Variants in ABCD2 observed in about 807,000 individuals in gnomAD.
The protein encoded by ABCD2 is ATP binding cassette subfamily D member 2.
ABCD2 carries 36 observed loss-of-function variants against 70.9 expected under a neutral mutation model. The observed-to-expected ratio is 0.51, with a 90% CI of 0.39 to 0.67. ABCD2 has a LOEUF of 0.67. Ranked by LOEUF, ABCD2 falls within the 30% of genes least tolerant of loss-of-function variation. ABCD2 has a pLI of 0.00. For synonymous variants in ABCD2, 304 were observed against 306.9 expected (o/e 0.99, Z 0.10); for missense variants, 729 against 890.2 (o/e 0.82, Z 2.30).
intron 9 of ABCD2, among the ~76,000 whole-genome samples, chr12:39,558,639 C>A (rs374919395): frequency 9.9e-5 from 15 of 152,110 alleles, no homozygotes; most frequent in African/African-American, 3.6e-4. Flanking sequence ...ATTCTCCTTC[C>A]TGCCACCTTG....
At chr12:39,543,684 A>G in the ABCD2 span, among the ~76,000 whole-genome samples, 90 of 152,358 alleles carry the variant, frequency 5.9e-4, no homozygotes, top group Admixed American at 1.5e-3. Flanking sequence ...GCAACATGCC[A>G]TCTGACGTTT....
At chr12:39,547,535 A>G (rs183891252), downstream of ABCD2, among the ~76,000 whole-genome samples, 118 of 152,300 alleles carry the variant, frequency 7.7e-4, no homozygotes, top group African/African-American at 2.8e-3. Flanking sequence ...TCTTGTGGAC[A>G]TTATGCTAAA....
In ABCD2 at chr12:39,551,005, C is replaced by T. The variant is rs1470059410; in HGVS notation, c.*2907G>A. ...TTATGCCTTTACTGACAGACCAAAA[C>T]TTGAGACAAAAACCAAATTTCTATC... On this transcript the variant is annotated 3_prime_UTR_variant, in exon 10 of 10. Transcript: ENST00000308666. 1 of 151,658 alleles carries T rather than the reference C, an allele frequency of 6.6e-6. No homozygotes were observed. The highest frequency in any genetic ancestry group is 1.5e-5 in the Non-Finnish European group (1 of 67,660). The allele number at this position is 151,658 out of a possible 1,614,324, so 9.4% of individuals were successfully genotyped here.
At chr12:39,559,930 G>A (rs1265495278) in intron 9 of ABCD2, among the ~76,000 whole-genome samples, 1 of 152,138 alleles carries the variant, frequency 6.6e-6, no homozygotes, top group African/African-American at 2.4e-5. Flanking sequence ...ACATTAGAAA[G>A]TATAAAACTC....
intron 8 of ABCD2, among the ~76,000 whole-genome samples, chr12:39,575,479 TATC>T (rs1488795343): frequency 6.6e-6 from 1 of 152,202 alleles, no homozygotes; most frequent in Non-Finnish European, 1.5e-5. Flanking sequence ...TTGCTTTGTG[TATC>T]ATCAGTAGAA....
chr12:39,581,503 T>C (rs983340601), intron 7 of ABCD2, among the ~76,000 whole-genome samples: 3 of 152,162 alleles, frequency 2.0e-5, no homozygotes, highest in African/African-American at 4.8e-5. Context: ...AAAATAATCT[T>C]AAAATACCAT....
At chr12:39,566,830 G>C (rs756911453) in intron 9 of ABCD2, among the ~76,000 whole-genome samples, 5 of 152,170 alleles carry the variant, frequency 3.3e-5, no homozygotes, top group Non-Finnish European at 7.3e-5. Flanking sequence ...GGTACGTTGT[G>C]TCTTTGTTCT....
intron 9 of ABCD2, among the ~76,000 whole-genome samples, chr12:39,571,105 C>T (rs1375266574): frequency 6.6e-6 from 1 of 152,132 alleles, no homozygotes; most frequent in Non-Finnish European, 1.5e-5. Flanking sequence ...AAAGGGAACT[C>T]TTACACACCT....
At chr12:39,617,195 CT>C (rs761231874) in intron 1 of ABCD2, 27 bp from the exon 2 acceptor site, 11 of 1,468,294 alleles carry the variant, frequency 7.5e-6, no homozygotes, top group Admixed American at 4.9e-5. Flanking sequence ...GAGTTGAGGA[CT>C]TTTTTTAAAG....
intron 9 of ABCD2, among the ~76,000 whole-genome samples, chr12:39,568,274 A>T (rs1427546009): frequency 6.6e-6 from 1 of 152,188 alleles, no homozygotes; most frequent in African/African-American, 2.4e-5. Flanking sequence ...AATCAGATGT[A>T]GATTTGGTCT....
chr12:39,619,033 TATA>T lies in ABCD2; in HGVS notation c.580_582del (p.Tyr194del). On this transcript the variant is annotated inframe_deletion, in exon 1 of 10. Coordinates refer to ENST00000308666, the MANE Select transcript of ABCD2 (RefSeq NM_005164.4). The stretch of plus-strand genomic sequence containing the variant: ...AGCCTCCCATCCATATTGATCACTT[TATA>T]ATAAGTCTGATTTGTAAAATAGGTT... 1.2e-6 allele frequency: 2 copies of T among 1,614,210 alleles called. No homozygotes were observed. Among genetic ancestry groups the T allele is most frequent in the Non-Finnish European group, 1.7e-6 (2 of 1,180,034 alleles).
chr12:39,567,646 G>GTTATT (rs1175474803), intron 9 of ABCD2, among the ~76,000 whole-genome samples: 1 of 151,754 alleles, frequency 6.6e-6, no homozygotes, highest in Non-Finnish European at 1.5e-5. Flanking sequence ...GGTTAATATT[G>GTTATT]TGTGAATTTG....
chr12:39,605,262 G>C (rs534942643), intron 3 of ABCD2, among the ~76,000 whole-genome samples: 13 of 151,990 alleles, frequency 8.6e-5, no homozygotes, highest in South Asian at 4.2e-4. Flanking sequence ...GAAAGCTTAA[G>C]GTCATTCAAT....
downstream of ABCD2, among the ~76,000 whole-genome samples, chr12:39,547,566 A>G (rs892264956): frequency 1.3e-5 from 2 of 152,140 alleles, no homozygotes; most frequent in Non-Finnish European, 1.5e-5. Context: ...CAGTCACAAA[A>G]AAGCAAATAC....
chr12:39,594,772 G>A (rs1364597459), intron 6 of ABCD2, among the ~76,000 whole-genome samples: 5 of 151,848 alleles, frequency 3.3e-5, no homozygotes, highest in Non-Finnish European at 7.4e-5. Context: ...CCAGGAGTTC[G>A]AGACCGGCCT....
At chr12:39,604,639 TTAAA>T in intron 4 of ABCD2, 119 bp downstream of exon 4, 1 of 728,054 alleles carries the variant, frequency 1.4e-6, no homozygotes, top group African/African-American at 1.8e-5. Context: ...GGATTGCTGT[TTAAA>T]TAATGTTGGT....
chr12:39,579,420 T>C (rs900741524), intron 8 of ABCD2, 115 bp downstream of exon 8: 1 of 699,170 alleles, frequency 1.4e-6, no homozygotes, highest in African/African-American at 1.8e-5. Flanking sequence ...TGTAGTAAGA[T>C]ATTTTTAAGC....
chr12:39,587,324 T>G (rs1209877924), intron 6 of ABCD2, among the ~76,000 whole-genome samples: 2 of 152,206 alleles, frequency 1.3e-5, no homozygotes, highest in African/African-American at 4.8e-5. Context: ...ACAGCAGGGT[T>G]TCTCAACAAC....
chr12:39,616,760 T>A (rs1260810481), intron 2 of ABCD2, among the ~76,000 whole-genome samples: 1 of 152,084 alleles, frequency 6.6e-6, no homozygotes, highest in East Asian at 1.9e-4. Context: ...AAACACTGCA[T>A]CAGAGATCTC....
Sources: gnomAD v4.1 joint callset for allele counts (sites outside exome capture counted in the v4.1 genomes callset) on GRCh38, gnomAD v4.1.1 for gene constraint, MANE v1.5 for transcripts, NCBI Gene and HGNC (gene_info 2026-07-23, HGNC 2026-07-21) for gene names.